Variants in CEPT1 observed in about 807,000 individuals in gnomAD.
CEPT1 encodes choline/ethanolamine phosphotransferase 1, also known as choline/ethanolaminephosphotransferase 1.
In CEPT1, 7 loss-of-function variants were observed where a neutral mutation model predicts 42.6. That is an observed-to-expected ratio of 0.16 (90% confidence interval 0.09 to 0.31). The LOEUF (loss-of-function observed/expected upper bound fraction) is 0.31, where lower values mean the gene tolerates loss of function less well. Among genes scored for constraint, CEPT1 ranks in the 10% least tolerant of loss-of-function variants. CEPT1 has a pLI of 1.00. For missense variants in CEPT1, 306 were observed against 502.1 expected, an observed-to-expected ratio of 0.61 and a Z score of 3.73; for synonymous variants, 171 against 171.9, an observed-to-expected ratio of 0.99 and a Z score of 0.04.
At chr1:111,158,903 T>TAA in intron 2 of CEPT1, among the ~76,000 whole-genome samples, 114 of 60,992 alleles carry the variant, frequency 1.9e-3, no homozygotes, top group African/African-American at 6.6e-3. Context: ...TTTACAATTC[T>TAA]TTTTTTTTTT....
chr1:111,147,947 G>A lies in CEPT1; in HGVS notation c.233G>A (p.Arg78Lys). Residue 78 changes from arginine to lysine, a missense_variant, in exon 2 of 9, where the codon AGA becomes AAA. Physicochemically the swap from Arg to Lys is conservative, Grantham distance 26. Coordinates refer to ENST00000357172, the MANE Select transcript of CEPT1 (RefSeq NM_006090.5). ...MQGYWEWLVRRVPSWIAPNLI... is the reference protein window; with the variant it reads ...MQGYWEWLVRKVPSWIAPNLI... ...GGGTATTGGGAATGGCTCGTTAGAAGAGTTCCCTCCTGGATTGCCCCAAAT... is the reference window on the plus strand; with the variant it reads ...GGGTATTGGGAATGGCTCGTTAGAAAAGTTCCCTCCTGGATTGCCCCAAAT... 6.2e-7 allele frequency: 1 copy of A among 1,614,158 alleles called. No individual in the cohort carries two copies. Among genetic ancestry groups the A allele is most frequent in the South Asian group, 1.1e-5 (1 of 91,080 alleles).
At chr1:111,171,809 G>A (rs944850380) in intron 4 of CEPT1, among the ~76,000 whole-genome samples, 2 of 152,234 alleles carry the variant, frequency 1.3e-5, no homozygotes, top group African/African-American at 4.8e-5. Flanking sequence ...CACAGTCTCA[G>A]CTCACCACAA....
intron 2 of CEPT1, among the ~76,000 whole-genome samples, chr1:111,150,985 CAA>C (rs1423918385): frequency 6.6e-6 from 1 of 152,124 alleles, no homozygotes; most frequent in Non-Finnish European, 1.5e-5. Flanking sequence ...CCTCCATCCA[CAA>C]AAAGAGTTGG....
chr1:111,167,825 T>G, intron 4 of CEPT1: 2 of 812,766 alleles, frequency 2.5e-6, no homozygotes, highest in Non-Finnish European at 3.0e-6. Flanking sequence ...TTTCCTTTTT[T>G]GTTTTGTTTT....
At position 111,172,494 on chromosome 1, in the gene CEPT1, C is replaced by T. The variant is rs115722883; in HGVS notation, c.630-2385C>T. Among the ~76,000 whole-genome samples, 520 of 152,164 alleles carry T rather than the reference C, an allele frequency of 3.4e-3. 6 individuals are homozygous for T. Among genetic ancestry groups the T allele is most frequent in the African/African-American group, 0.012 (502 of 41,516 alleles). ...TATGATCAAAAAGATTAAAATGAGC[C>T]TCTTTGTAGTATGTGTTACAGTAAA... On this transcript the variant is annotated intron_variant, in intron 4 of 8. Coordinates refer to ENST00000357172, the MANE Select transcript of CEPT1 (RefSeq NM_006090.5).
At chr1:111,146,096 T>TA (rs1557920129) in intron 1 of CEPT1, among the ~76,000 whole-genome samples, 3 of 150,366 alleles carry the variant, frequency 2.0e-5, no homozygotes, top group East Asian at 1.9e-4. Flanking sequence ...TTTTTTTTTT[T>TA]AAATGGTCTC....
chr1:111,174,441 T>G (rs1290875957), intron 4 of CEPT1, among the ~76,000 whole-genome samples: 2 of 152,112 alleles, frequency 1.3e-5, no homozygotes, highest in African/African-American at 4.8e-5. Flanking sequence ...GTCTTAGTGA[T>G]TTATGTTAAC....
intron 4 of CEPT1, among the ~76,000 whole-genome samples, chr1:111,171,849 C>A (rs929783021): frequency 6.6e-6 from 1 of 152,238 alleles, no homozygotes; most frequent in African/African-American, 2.4e-5. Flanking sequence ...AGTGATTCTC[C>A]CGCCTCAGCC....
chr1:111,175,377 G>A (rs1656624347), intron 5 of CEPT1, among the ~76,000 whole-genome samples: 2 of 152,190 alleles, frequency 1.3e-5, no homozygotes, highest in South Asian at 4.1e-4. Flanking sequence ...TCCAAAACAG[G>A]ATAAATACCT....
chr1:111,144,292 T>A (rs1462216595), intron 1 of CEPT1, among the ~76,000 whole-genome samples: 3 of 152,196 alleles, frequency 2.0e-5, no homozygotes, highest in Non-Finnish European at 4.4e-5. Context: ...AAACTCTGTA[T>A]CTATATGAAT....
At chr1:111,167,343 ATATAT>A (rs1364697349) in intron 4 of CEPT1, 1 of 959,596 alleles carries the variant, frequency 1.0e-6, no homozygotes, top group Non-Finnish European at 1.2e-6. Context: ...CATAATTTTA[ATATAT>A]TAGGGCAATA....
chr1:111,181,464 A>C (rs541436460), intron 5 of CEPT1: 1 of 152,334 alleles, frequency 6.6e-6, no homozygotes, highest in Non-Finnish European at 1.5e-5. Flanking sequence ...TGTCCCCCAT[A>C]CTTCAGGTAA....
At chr1:111,155,608 TGG>T (rs1438750526) in intron 2 of CEPT1, among the ~76,000 whole-genome samples, 1 of 152,030 alleles carries the variant, frequency 6.6e-6, no homozygotes, top group Admixed American at 6.6e-5. Flanking sequence ...GGCATGATCT[TGG>T]CTTACTGCAA....
intron 4 of CEPT1, among the ~76,000 whole-genome samples, chr1:111,171,856 A>T (rs946038505): frequency 6.6e-6 from 1 of 152,214 alleles, no homozygotes; most frequent in African/African-American, 2.4e-5. Flanking sequence ...CTCCCGCCTC[A>T]GCCTCCTGAG....
At chr1:111,143,173 A>G (rs1233256866) in intron 1 of CEPT1, among the ~76,000 whole-genome samples, 2 of 152,180 alleles carry the variant, frequency 1.3e-5, no homozygotes, top group Admixed American at 6.5e-5. Flanking sequence ...ATTTTATCCC[A>G]TTCTTCCATC....
At position 111,158,686 on chromosome 1, in the gene CEPT1, A is replaced by G. The variant is rs374144285; in HGVS notation, c.340-694A>G. Among the ~76,000 whole-genome samples, 9 of 152,278 alleles carry G rather than the reference A, an allele frequency of 5.9e-5. No individual in the cohort carries two copies. In the East Asian group the frequency reaches 1.7e-3, roughly 29 times the overall value. On this transcript the variant is annotated intron_variant, in intron 2 of 8. Transcript: ENST00000357172. ...TTTAGTGTTTAACCCAGTGTTTCCC[A>G]TATGAGGTTAGCATGGAATTTTTCA...
rs562338214 is a variant in CEPT1 at position 111,155,785 on chromosome 1, G to A, written c.340-3595G>A. Among the ~76,000 whole-genome samples, 11 of 152,176 alleles carry A rather than the reference G, an allele frequency of 7.2e-5. No individual in the cohort carries two copies. The South Asian group carries it at 8.3e-4, about 11-fold the overall frequency. Reference sequence around the variant, plus strand: ...ACTCCCGACCTCAGGTGATCTGCCCGCCTTGGCCTCCCAAAGTACTGGGAT... The same window carrying A: ...ACTCCCGACCTCAGGTGATCTGCCCACCTTGGCCTCCCAAAGTACTGGGAT... On this transcript the variant is annotated intron_variant, in intron 2 of 8. Coordinates refer to ENST00000357172, the MANE Select transcript of CEPT1 (RefSeq NM_006090.5).
At chr1:111,182,746 G>A (rs1177190599) in intron 6 of CEPT1, 53 bp from the exon 7 acceptor site, 4 of 1,444,824 alleles carry the variant, frequency 2.8e-6, no homozygotes, top group Non-Finnish European at 3.8e-6. Context: ...GCAGATCCAT[G>A]TAGTATCTGA....
intron 5 of CEPT1, chr1:111,178,242 T>C (rs193097981): frequency 6.6e-6 from 1 of 152,304 alleles, no homozygotes; most frequent in Non-Finnish European, 1.5e-5. Flanking sequence ...CCTCATTAAG[T>C]TAGAAGGCTT....
Sources: gnomAD v4.1 joint callset for allele counts (sites outside exome capture counted in the v4.1 genomes callset) on GRCh38, gnomAD v4.1.1 for gene constraint, MANE v1.5 for transcripts, NCBI Gene and HGNC (gene_info 2026-07-23, HGNC 2026-07-21) for gene names.